The following PLEKHD1 variants were observed in gnomAD, a reference collection of about 807,000 sequenced individuals.
The protein encoded by PLEKHD1 is pleckstrin homology and coiled-coil domain containing D1, also known as pleckstrin homology domain-containing family D member 1.
In PLEKHD1, 51 loss-of-function variants were observed where a neutral mutation model predicts 69.2. The ratio of observed to expected loss-of-function variants is 0.74; its 90% CI spans 0.59 to 0.93. The LOEUF (loss-of-function observed/expected upper bound fraction) is 0.93. PLEKHD1 is among the 40% of genes least tolerant of loss of function. PLEKHD1 has a pLI of 0.00. For missense variants in PLEKHD1, 584 were observed against 641.0 expected (o/e 0.91, Z 0.96); for synonymous variants, 236 against 244.7 (o/e 0.96, Z 0.33).
rs1356874266 is a variant in PLEKHD1 at position 69,529,896 on chromosome 14, TCTCA to T, written c.*1482_*1485del. ...CAGGGGGCTGAAGGGTGTGTCTGTCTCTCACTCATGGACAGACAGACTGCCCAGA... is the reference window on the plus strand; with the variant it reads ...CAGGGGGCTGAAGGGTGTGTCTGTCTCTCATGGACAGACAGACTGCCCAGA... On this transcript the variant is annotated 3_prime_UTR_variant, in exon 13 of 13. Coordinates refer to ENST00000322564, the MANE Select transcript of PLEKHD1 (RefSeq NM_001161498.2). 3 of 152,214 alleles carry T rather than the reference TCTCA, an allele frequency of 2.0e-5. No individual in the cohort carries two copies. Among genetic ancestry groups the T allele is most frequent in the Admixed American group, 2.0e-4 (3 of 15,284 alleles). The allele number at this position is 152,214 out of a possible 1,614,324, so 9.4% of individuals were successfully genotyped here.
intron 11 of PLEKHD1, 22 bp downstream of exon 11, chr14:69,527,354 T>C (rs2139535130): frequency 6.4e-7 from 1 of 1,551,180 alleles, no homozygotes; most frequent in Non-Finnish European, 8.7e-7. Context: ...CTCTAGGCCC[T>C]GGCCCCCAGC....
chr14:69,477,825 G>A, the PLEKHD1 span, among the ~76,000 whole-genome samples: 2 of 152,224 alleles, frequency 1.3e-5, no homozygotes, highest in African/African-American at 4.8e-5. Flanking sequence ...CCCCCCTCCT[G>A]GCTGCCTTCA....
At chr14:69,482,013 T>C (rs1882549975), upstream of PLEKHD1, among the ~76,000 whole-genome samples, 1 of 152,002 alleles carries the variant, frequency 6.6e-6, no homozygotes, top group Admixed American at 6.5e-5. Flanking sequence ...CCTGGTGCAG[T>C]CTGGGCTGGT....
At chr14:69,488,080 C>T (rs942357988) in intron 1 of PLEKHD1, among the ~76,000 whole-genome samples, 6 of 152,162 alleles carry the variant, frequency 3.9e-5, no homozygotes, top group African/African-American at 1.2e-4. Context: ...GGGCCTGAAC[C>T]GAGCTCCGCA....
chr14:69,499,583 G>A (rs182489667), intron 1 of PLEKHD1, among the ~76,000 whole-genome samples: 195 of 152,334 alleles, frequency 1.3e-3, no homozygotes, highest in African/African-American at 4.3e-3. Context: ...AGGAGACTGG[G>A]GAGTAGCCCG....
Position 69,484,897 on chromosome 14 carries a change from T to TCTCGCCC in PLEKHD1, c.-67_-61dup. On this transcript the variant is annotated 5_prime_UTR_variant, in exon 1 of 13. The change creates a premature stop within an existing upstream ORF in the 5' untranslated region. Transcript: ENST00000322564. ...GCTCTCCGACGGCTCCGCCCTCGCC[T>TCTCGCCC]CTCGCCCCGAGTCCCTGCTGACCCC... 1.3e-6 allele frequency: 2 copies of TCTCGCCC among 1,514,032 alleles called. No homozygotes were observed. Among genetic ancestry groups the TCTCGCCC allele is most frequent in the Non-Finnish European group, 1.8e-6 (2 of 1,123,356 alleles). The allele number at this position is 1,514,032 out of a possible 1,614,324, so 93.8% of individuals were successfully genotyped here.
the PLEKHD1 span, among the ~76,000 whole-genome samples, chr14:69,476,797 G>A: frequency 6.6e-6 from 1 of 152,104 alleles, no homozygotes; most frequent in African/African-American, 2.4e-5. Flanking sequence ...AGACTGTGAA[G>A]GGTATTTGTA....
At chr14:69,515,340 G>GC (rs985184311) in intron 6 of PLEKHD1, among the ~76,000 whole-genome samples, 24 of 152,092 alleles carry the variant, frequency 1.6e-4, no homozygotes, top group African/African-American at 3.6e-4. Context: ...CCTAAGATTG[G>GC]CCCCCCCTGG....
chr14:69,518,169 C>G (rs1055354105), intron 6 of PLEKHD1, among the ~76,000 whole-genome samples: 1 of 152,022 alleles, frequency 6.6e-6, no homozygotes, highest in Admixed American at 6.6e-5. Context: ...GTAGCTGGAA[C>G]TACTACAGGC....
At chr14:69,514,787 C>T (rs1206628427) in intron 6 of PLEKHD1, among the ~76,000 whole-genome samples, 3 of 152,072 alleles carry the variant, frequency 2.0e-5, no homozygotes, top group Admixed American at 6.6e-5. Flanking sequence ...AGGGCTTTCC[C>T]CCACCTTAGG....
At chr14:69,508,861 A>G (rs1883209539) in intron 6 of PLEKHD1, among the ~76,000 whole-genome samples, 1 of 152,164 alleles carries the variant, frequency 6.6e-6, no homozygotes, top group Non-Finnish European at 1.5e-5. Context: ...CTAGATTCTC[A>G]ACAGGTAACT....
At position 69,527,298 on chromosome 14, in the gene PLEKHD1, G is replaced by A. The variant is rs765083792; in HGVS notation, c.1167G>A (p.Glu389=). The A allele has an allele frequency of 5.6e-5, 87 of 1,551,692 alleles. No individual in the cohort carries two copies. The highest frequency in any genetic ancestry group is 2.9e-4 in the Admixed American group (15 of 50,988). Reference sequence around the variant, plus strand: ...CCAAGGTGCGGAATAAGGAGAAGGAGGAGAGGATGCGGGCTGATGTGAGCC... The same window carrying A: ...CCAAGGTGCGGAATAAGGAGAAGGAAGAGAGGATGCGGGCTGATGTGAGCC... ...LNSKVRNKEK[E]ERMRADVSHL... The change falls in exon 11 of 13, where the codon GAG becomes GAA. Residue 389 remains glutamate, a synonymous_variant. Transcript: ENST00000322564.
At position 69,502,892 on chromosome 14, in the gene PLEKHD1, C is replaced by A; in HGVS notation, c.555+13C>A. 1.3e-6 allele frequency: 2 copies of A among 1,551,552 alleles called. No homozygotes were observed. The highest frequency in any genetic ancestry group is 1.2e-5 in the South Asian group (1 of 84,042). On this transcript the variant is annotated intron_variant, in intron 6 of 12. Transcript: ENST00000322564. ...GGAGCAGAGAGAGGTAGGTGCACACCAAGGGGCTCTCAGCAGCCGTGGTGT... is the reference window on the plus strand; with the variant it reads ...GGAGCAGAGAGAGGTAGGTGCACACAAAGGGGCTCTCAGCAGCCGTGGTGT...
At chr14:69,523,922 G>A (rs1883578631) in intron 7 of PLEKHD1, among the ~76,000 whole-genome samples, 1 of 152,192 alleles carries the variant, frequency 6.6e-6, no homozygotes, top group African/African-American at 2.4e-5. Flanking sequence ...GAGAAGACAG[G>A]GTGAGGCTGG....
chr14:69,481,633 C>T (rs1418027411), upstream of PLEKHD1, among the ~76,000 whole-genome samples: 1 of 152,210 alleles, frequency 6.6e-6, no homozygotes, highest in Non-Finnish European at 1.5e-5. Flanking sequence ...TGGGAAATTA[C>T]TAGCTATGTG....
intron 2 of PLEKHD1, 109 bp downstream of exon 2, chr14:69,500,317 G>C: frequency 1.0e-6 from 1 of 971,510 alleles, no homozygotes. Context: ...CTAGCAGAGA[G>C]TCTGGAGAGC....
At chr14:69,470,109 G>A in the PLEKHD1 span, among the ~76,000 whole-genome samples, 2 of 152,156 alleles carry the variant, frequency 1.3e-5, no homozygotes, top group African/African-American at 4.8e-5. Context: ...GCACCAGGCT[G>A]CAAGCCCAGC....
At chr14:69,515,265 C>T (rs1466210175) in intron 6 of PLEKHD1, among the ~76,000 whole-genome samples, 3 of 152,148 alleles carry the variant, frequency 2.0e-5, no homozygotes. Flanking sequence ...GCTGCTTTCC[C>T]CTTATATTCA....
rs111567987 is a variant in PLEKHD1 at position 69,499,717 on chromosome 14, T to G, written c.150-398T>G. 8.5e-3 allele frequency among the ~76,000 whole-genome samples: 1,295 copies of G among 152,344 alleles called. 10 individuals are homozygous for G. Among genetic ancestry groups the G allele is most frequent in the Non-Finnish European group, 0.015 (992 of 68,022 alleles). On this transcript the variant is annotated intron_variant, in intron 1 of 12. Coordinates refer to ENST00000322564, the MANE Select transcript of PLEKHD1 (RefSeq NM_001161498.2). ...TACTTGCCAAAGACCCATCTTAGCA[T>G]CTTGCATCTTCTTGCGTTCCTTTTC...
Sources: allele counts gnomAD v4.1 joint callset (sites outside exome capture counted in the v4.1 genomes callset), GRCh38; gene constraint gnomAD v4.1.1; transcripts MANE v1.5; gene names NCBI Gene and HGNC (gene_info 2026-07-23, HGNC 2026-07-21).